The following SHQ1 variants were observed in gnomAD, a reference collection of about 807,000 sequenced individuals.
SHQ1 encodes SHQ1, H/ACA ribonucleoprotein assembly factor, also known as protein SHQ1 homolog.
SHQ1 carries 49 observed loss-of-function variants against 53.8 expected under a neutral mutation model. That is an observed-to-expected ratio of 0.91 (90% CI 0.72 to 1.16). SHQ1 has a LOEUF of 1.16. Among genes scored for constraint, SHQ1 ranks in the 50% most tolerant of loss-of-function variants. The probability of loss-of-function intolerance (pLI) is 0.00; values close to 1 mark genes in which losing one functional copy is unlikely to be tolerated. For synonymous variants in SHQ1, 243 were observed against 251.0 expected (o/e 0.97, Z 0.30); for missense variants, 738 against 683.1 (o/e 1.08, Z -0.90).
chr3:72,827,308 G>A (rs958082634), intron 5 of SHQ1, among the ~76,000 whole-genome samples: 1 of 152,052 alleles, frequency 6.6e-6, no homozygotes, highest in Non-Finnish European at 1.5e-5. Flanking sequence ...TGATGCTCAA[G>A]ACAGAGATAT....
chr3:72,821,921 A>G (rs372931518), intron 6 of SHQ1, among the ~76,000 whole-genome samples: 3 of 152,226 alleles, frequency 2.0e-5, no homozygotes, highest in East Asian at 1.9e-4. Context: ...TCTTGTTAAC[A>G]AGGAACTTTC....
chr3:72,771,794 C>G (rs1290509203), intron 10 of SHQ1, among the ~76,000 whole-genome samples: 1 of 152,194 alleles, frequency 6.6e-6, no homozygotes, highest in Non-Finnish European at 1.5e-5. Context: ...CTCCAGATAG[C>G]TGAAGGCAGA....
At chr3:72,825,971 T>C (rs778510638) in intron 5 of SHQ1, among the ~76,000 whole-genome samples, 3 of 152,186 alleles carry the variant, frequency 2.0e-5, no homozygotes, top group African/African-American at 7.2e-5. Flanking sequence ...ACCATCACTA[T>C]AGGCATGGGG....
chr3:72,834,508 C>A (rs758117183), intron 4 of SHQ1, among the ~76,000 whole-genome samples: 1 of 152,058 alleles, frequency 6.6e-6, no homozygotes, highest in Non-Finnish European at 1.5e-5. Context: ...CCAGCTTGGG[C>A]AATAGAGCAA....
At chr3:72,764,815 T>C (rs1178319940) in intron 10 of SHQ1, among the ~76,000 whole-genome samples, 1 of 152,198 alleles carries the variant, frequency 6.6e-6, no homozygotes, top group African/African-American at 2.4e-5. Flanking sequence ...GTTGAAGTCA[T>C]CATTACCAGC....
intron 10 of SHQ1, among the ~76,000 whole-genome samples, chr3:72,757,381 CTTT>C (rs779724149): frequency 2.2e-5 from 3 of 134,932 alleles, no homozygotes; most frequent in African/African-American, 2.8e-5. Flanking sequence ...CTTCTCTTTC[CTTT>C]TTTTTTTTTT....
At chr3:72,773,730 A>G (rs1705901335) in intron 10 of SHQ1, among the ~76,000 whole-genome samples, 1 of 152,220 alleles carries the variant, frequency 6.6e-6, no homozygotes, top group African/African-American at 2.4e-5. Flanking sequence ...AATTAAAAAG[A>G]TCTGCTGACT....
At chr3:72,842,759 C>G (rs1559702284) in intron 2 of SHQ1, among the ~76,000 whole-genome samples, 1 of 152,082 alleles carries the variant, frequency 6.6e-6, no homozygotes. Flanking sequence ...AAGGGTTTTT[C>G]AGAAGCTGTC....
chr3:72,736,792 CAAAAA>C, the SHQ1 span, among the ~76,000 whole-genome samples: 2 of 105,340 alleles, frequency 1.9e-5, no homozygotes, highest in Admixed American at 1.1e-4. Context: ...GACTCCGTTT[CAAAAA>C]AAAAAAAAAA....
chr3:72,729,748 C>T, the SHQ1 span, among the ~76,000 whole-genome samples: 1 of 151,940 alleles, frequency 6.6e-6, no homozygotes, highest in Non-Finnish European at 1.5e-5. Flanking sequence ...CTACTCATAG[C>T]CAAGTAAGTT....
intron 4 of SHQ1, among the ~76,000 whole-genome samples, chr3:72,834,284 T>G (rs1443380253): frequency 6.6e-6 from 1 of 152,154 alleles, no homozygotes. Context: ...ATCCCAGCAC[T>G]TCGGGAGGCC....
Position 72,770,187 on chromosome 3 carries a change from T to C in SHQ1, c.1182-19351A>G, listed in dbSNP as rs535102223. ...ATTGACCACTTACTCTGTGTTAACATGTTCTAAACAAATTGCATGTGTTAG... is the reference window on the plus strand; with the variant it reads ...ATTGACCACTTACTCTGTGTTAACACGTTCTAAACAAATTGCATGTGTTAG... On this transcript the variant is annotated intron_variant, in intron 10 of 10. Coordinates refer to ENST00000325599, the MANE Select transcript of SHQ1 (RefSeq NM_018130.3). Among the ~76,000 whole-genome samples the C allele has an allele frequency of 2.6e-5, 4 of 152,358 alleles. No homozygotes were observed. In the South Asian group the frequency reaches 8.3e-4, roughly 32 times the overall value.
At chr3:72,845,259 C>T (rs1387136518) in intron 1 of SHQ1, among the ~76,000 whole-genome samples, 5 of 151,904 alleles carry the variant, frequency 3.3e-5, no homozygotes, top group Admixed American at 3.3e-4. Flanking sequence ...CGAGGTGGGT[C>T]GATCACCTTA....
chr3:72,823,823 G>A (rs1707561297), intron 6 of SHQ1, among the ~76,000 whole-genome samples: 1 of 152,132 alleles, frequency 6.6e-6, no homozygotes, highest in Admixed American at 6.5e-5. Flanking sequence ...TCTTCAGAAT[G>A]TACATATATA....
intron 9 of SHQ1, 55 bp from the exon 10 acceptor site, chr3:72,793,091 C>G: frequency 6.8e-7 from 1 of 1,475,896 alleles, no homozygotes; most frequent in East Asian, 2.3e-5. Context: ...AATTCAGACC[C>G]TGAGAGGTAA....
At chr3:72,785,664 C>T (rs752681931) in intron 10 of SHQ1, among the ~76,000 whole-genome samples, 3 of 152,154 alleles carry the variant, frequency 2.0e-5, no homozygotes, top group Non-Finnish European at 2.9e-5. Flanking sequence ...TCTTGTCCTA[C>T]CTATACACTG....
intron 10 of SHQ1, among the ~76,000 whole-genome samples, chr3:72,780,034 G>A (rs1035508093): frequency 6.6e-6 from 1 of 152,134 alleles, no homozygotes; most frequent in Non-Finnish European, 1.5e-5. Flanking sequence ...CCAGGAGTTC[G>A]AGACCAGCCT....
chr3:72,765,801 C>T (rs1269467978), intron 10 of SHQ1, among the ~76,000 whole-genome samples: 1 of 151,904 alleles, frequency 6.6e-6, no homozygotes, highest in Non-Finnish European at 1.5e-5. Context: ...GATCTGCCTG[C>T]CTTGGCCTCC....
At chr3:72,782,932 A>G (rs946116735) in intron 10 of SHQ1, among the ~76,000 whole-genome samples, 1 of 152,364 alleles carries the variant, frequency 6.6e-6, no homozygotes, top group East Asian at 1.9e-4. Context: ...ATACTGGTTT[A>G]TAAAACCTGA....
Sources: gnomAD v4.1 joint callset for allele counts (sites outside exome capture counted in the v4.1 genomes callset) on GRCh38, gnomAD v4.1.1 for gene constraint, MANE v1.5 for transcripts, NCBI Gene and HGNC (gene_info 2026-07-23, HGNC 2026-07-21) for gene names.